Variants in TBCK observed in about 807,000 individuals in gnomAD.
TBCK encodes the protein TBC domain-containing protein kinase-like protein.
TBCK carries 99 observed loss-of-function variants against 113.4 expected under a neutral mutation model. The ratio of observed to expected loss-of-function variants is 0.87; its 90% CI spans 0.74 to 1.03. The LOEUF is 1.03. TBCK is among the 50% of genes least tolerant of loss of function. The pLI, the probability that TBCK is intolerant of heterozygous loss-of-function variation, is 0.00. For missense variants in TBCK, 1,045 were observed against 1,061.3 expected (o/e 0.98, Z 0.21); for synonymous variants, 369 against 370.8 (o/e 1.00, Z 0.05).
chr4:106,255,118 C>T (rs1761844025), intron 5 of TBCK: 2 of 223,038 alleles, frequency 9.0e-6, no homozygotes, highest in Non-Finnish European at 9.3e-6. Context: ...ACAATACTAA[C>T]CCTAACAATC....
rs115373586 is a variant in TBCK at position 106,254,102 on chromosome 4, A to G, written c.456-2095T>C. On this transcript the variant is annotated intron_variant, in intron 5 of 25. Coordinates refer to ENST00000394708, the MANE Select transcript of TBCK (RefSeq NM_001163435.3). The stretch of plus-strand genomic sequence containing the variant: ...TTTTAACTTCTTTCCAATCTTGAAG[A>G]ACAAATGTTATGTGATGTTTCTGGC... 2.8e-3 allele frequency among the ~76,000 whole-genome samples: 420 copies of G among 152,274 alleles called. 2 individuals carry two copies. Among genetic ancestry groups the G allele is most frequent in the African/African-American group, 9.4e-3 (389 of 41,542 alleles).
At chr4:106,291,183 C>A (rs1017222092) in intron 3 of TBCK, among the ~76,000 whole-genome samples, 1 of 152,116 alleles carries the variant, frequency 6.6e-6, no homozygotes, top group South Asian at 2.1e-4. Context: ...TTAGTCTGCA[C>A]GTGGCCTGCC....
In TBCK at chr4:106,045,337, T is replaced by C. The variant is rs1734125911; in HGVS notation, c.*1233A>G. The C allele has an allele frequency of 6.6e-6, 1 of 152,168 alleles. No homozygotes were observed. Among genetic ancestry groups the C allele is most frequent in the Non-Finnish European group, 1.5e-5 (1 of 68,044 alleles). The allele number at this position is 152,168 out of a possible 1,614,324, so 9.4% of individuals were successfully genotyped here. A position where few individuals can be genotyped will look rare whatever the true frequency, so the allele number is the denominator to read the frequency against. ...CTTTTAATTGACAAAGTGTCACAAT[T>C]CATTTGGCTTCATTTTTTCTTTGTG... is the stretch of plus-strand genomic sequence containing the variant. On this transcript the variant is annotated 3_prime_UTR_variant, in exon 26 of 26. Transcript: ENST00000394708.
intron 1 of TBCK, among the ~76,000 whole-genome samples, chr4:106,309,346 A>G (rs1307496498): frequency 1.7e-5 from 2 of 116,434 alleles, no homozygotes; most frequent in Non-Finnish European, 3.2e-5. Flanking sequence ...ACAGTCTCGC[A>G]CTGTCACCCA....
chr4:106,049,564 C>G (rs1222985749), intron 25 of TBCK, among the ~76,000 whole-genome samples: 1 of 151,966 alleles, frequency 6.6e-6, no homozygotes, highest in Non-Finnish European at 1.5e-5. Flanking sequence ...TTAAATAAGT[C>G]ACATCATACA....
chr4:106,061,959 A>G (rs1736107578), intron 25 of TBCK, among the ~76,000 whole-genome samples: 1 of 151,808 alleles, frequency 6.6e-6, no homozygotes, highest in African/African-American at 2.4e-5. Context: ...GCAATCAGAT[A>G]AAGACTATGA....
chr4:106,207,948 C>T (rs1755714419), intron 20 of TBCK, among the ~76,000 whole-genome samples: 1 of 152,176 alleles, frequency 6.6e-6, no homozygotes, highest in African/African-American at 2.4e-5. Context: ...TGCTAGAGGA[C>T]ATTCAGAAAT....
chr4:106,167,118 G>A (rs1232746219), intron 23 of TBCK, among the ~76,000 whole-genome samples: 9 of 140,518 alleles, frequency 6.4e-5, no homozygotes, highest in African/African-American at 2.4e-4. Flanking sequence ...TATACACACT[G>A]TATATATATA....
chr4:106,297,767 A>G (rs1205830430), intron 2 of TBCK: 1 of 152,160 alleles, frequency 6.6e-6, no homozygotes, highest in Non-Finnish European at 1.5e-5. Context: ...AAGAGTATAG[A>G]CTATTTTGTC....
chr4:106,099,123 A>C (rs75061930), intron 24 of TBCK, among the ~76,000 whole-genome samples: 2,566 of 152,194 alleles, frequency 0.017, 33 homozygotes, highest in Middle Eastern at 0.099. Flanking sequence ...AATCAAACAG[A>C]AAAAAATCAG....
At chr4:106,265,816 C>A (rs778687348) in intron 3 of TBCK, among the ~76,000 whole-genome samples, 2 of 151,636 alleles carry the variant, frequency 1.3e-5, no homozygotes, top group African/African-American at 4.8e-5. Flanking sequence ...TCAAATATTA[C>A]CTCTGGTAAT....
At chr4:106,058,850 TG>T (rs35939237) in intron 25 of TBCK, among the ~76,000 whole-genome samples, 6 of 151,704 alleles carry the variant, frequency 4.0e-5, no homozygotes, top group Admixed American at 3.9e-4. Context: ...AAGTGAGGGA[TG>T]GGAAGTTGCA....
In TBCK at chr4:106,095,592, C is replaced by T. The variant is rs1740807113; in HGVS notation, c.2461G>A (p.Ala821Thr). The stretch of plus-strand genomic sequence containing the variant: ...GTAAGCTCCCCTTCTGCAGTGAAGG[C>T]AGCACTGAATGGAATGTTGATGCTT... ...SGSINIPFSA[A>T]FTAEGELTQG... The change falls in exon 25 of 26, where the codon GCC becomes ACC. Residue 821 changes from alanine to threonine, a missense_variant. Coordinates refer to ENST00000394708, the MANE Select transcript of TBCK (RefSeq NM_001163435.3). The T allele has an allele frequency of 1.2e-6, 2 of 1,614,060 alleles. No homozygotes were observed. The highest frequency in any genetic ancestry group is 8.5e-7 in the Non-Finnish European group (1 of 1,179,962).
chr4:106,258,492 T>TA (rs931885442), intron 5 of TBCK, among the ~76,000 whole-genome samples: 1 of 152,050 alleles, frequency 6.6e-6, no homozygotes, highest in Non-Finnish European at 1.5e-5. Flanking sequence ...TATTTTCTGG[T>TA]AAGACCCTTT....
intron 23 of TBCK, among the ~76,000 whole-genome samples, chr4:106,123,658 G>C (rs1295750491): frequency 3.3e-5 from 5 of 151,678 alleles, no homozygotes. Context: ...GAGAGATATA[G>C]ATCAATGGAA....
Position 106,226,502 on chromosome 4 carries a change from T to C in TBCK, c.1774+3861A>G, listed in dbSNP as rs560682686. The stretch of plus-strand genomic sequence containing the variant: ...CCAATATTTTCATCTTTCTAAAGTA[T>C]AGAAATTTAGCCCAACACTGTATAT... On this transcript the variant is annotated intron_variant, in intron 19 of 25. Transcript: ENST00000394708. Among the ~76,000 whole-genome samples, 44 of 152,310 alleles carry C rather than the reference T, an allele frequency of 2.9e-4. No individual in the cohort carries two copies. The South Asian group carries it at 7.7e-3, about 27-fold the overall frequency.
chr4:106,152,530 T>C (rs908364315), intron 23 of TBCK, among the ~76,000 whole-genome samples: 5 of 152,080 alleles, frequency 3.3e-5, no homozygotes, highest in African/African-American at 1.2e-4. Flanking sequence ...ATCTGTAATA[T>C]TGGCCTACAG....
chr4:106,066,351 TA>T (rs905636692), intron 25 of TBCK, among the ~76,000 whole-genome samples: 1 of 150,950 alleles, frequency 6.6e-6, no homozygotes, highest in Admixed American at 6.6e-5. Flanking sequence ...AAGATTCACT[TA>T]AAAAAAAACC....
intron 3 of TBCK, among the ~76,000 whole-genome samples, chr4:106,288,756 T>C (rs1269119481): frequency 1.3e-5 from 2 of 152,224 alleles, no homozygotes; most frequent in African/African-American, 4.8e-5. Flanking sequence ...ATCCCTAATC[T>C]GAAAATCTGC....
Sources: gnomAD v4.1 joint callset for allele counts (sites outside exome capture counted in the v4.1 genomes callset) on GRCh38, gnomAD v4.1.1 for gene constraint, MANE v1.5 for transcripts, NCBI Gene and HGNC (gene_info 2026-07-23, HGNC 2026-07-21) for gene names.